PIGA: variants seen among roughly 807,000 people sequenced by gnomAD.
PIGA encodes phosphatidylinositol N-acetylglucosaminyltransferase subunit A.
In PIGA, 3 loss-of-function variants were observed where a neutral mutation model predicts 17.1. The observed-to-expected ratio is 0.18, with a 90% CI of 0.08 to 0.45. The LOEUF (loss-of-function observed/expected upper bound fraction) is 0.45. Among genes scored for constraint, PIGA ranks in the 20% least tolerant of loss-of-function variants. The pLI is 0.99. For synonymous variants in PIGA, 126 were observed against 135.1 expected (o/e 0.93, Z 0.47); for missense variants, 231 against 374.1 (o/e 0.62, Z 3.16).
At chrX:15,330,062 G>A (rs1243113576) in intron 2 of PIGA, among the ~76,000 whole-genome samples, 1 of 105,814 alleles carries the variant, frequency 9.5e-6, no homozygotes. Flanking sequence ...TCCAGCCCGG[G>A]GGGTGACAGT....
At chrX:15,330,593 T>A (rs965449979) in intron 2 of PIGA, among the ~76,000 whole-genome samples, 4 of 111,614 alleles carry the variant, frequency 3.6e-5, no homozygotes, top group African/African-American at 1.3e-4. Flanking sequence ...CTGTGAGCTC[T>A]GCCCTTTACT....
Position 15,324,767 on chromosome X carries a change from A to C in PIGA, c.1086T>G (p.Ala362=). 1 of 1,203,469 alleles carries C rather than the reference A, an allele frequency of 8.3e-7. No homozygotes were observed. Among genetic ancestry groups the C allele is most frequent in the Non-Finnish European group, 1.1e-6 (1 of 888,008 alleles). The part of the protein sequence containing the change: ...VKSLCEGLEK[A]IFQLKSGTLP... ...ATGTCCCTGACTTCAGTTGGAAAATAGCCTTTTCCAATCCTTCACACAAAG... is the reference window on the plus strand; with the variant it reads ...ATGTCCCTGACTTCAGTTGGAAAATCGCCTTTTCCAATCCTTCACACAAAG... The change falls in exon 5 of 6, where the codon GCT becomes GCG. Residue 362 remains alanine, a synonymous_variant. Transcript: ENST00000333590.
At chrX:15,327,735 G>A (rs1236442140) in intron 2 of PIGA, 1 of 110,774 alleles carries the variant, frequency 9.0e-6, no homozygotes, top group Non-Finnish European at 1.9e-5. Flanking sequence ...ACAAGGTTAA[G>A]AGCCCATTCT....
intron 1 of PIGA, among the ~76,000 whole-genome samples, chrX:15,332,459 G>A (rs1602212680): frequency 8.9e-6 from 1 of 112,463 alleles, no homozygotes; most frequent in East Asian, 2.8e-4. Context: ...AACTCCATGA[G>A]TTATCAACTC....
intron 2 of PIGA, chrX:15,329,029 G>C (rs779973968): frequency 1.1e-4 from 12 of 112,041 alleles, no homozygotes; most frequent in Admixed American, 9.5e-4. Flanking sequence ...TGAAGTTCAG[G>C]CCAAGTTTCC....
rs1478510157 is a variant in PIGA at position 15,319,694 on chromosome X, A to C, written c.*1812T>G. The stretch of plus-strand genomic sequence containing the variant: ...AGGTATCCAGAAAGGTTGAAAATTA[A>C]GATTTACGTGAAACAAATTTACTTC... On this transcript the variant is annotated 3_prime_UTR_variant, in exon 6 of 6. Coordinates refer to ENST00000333590, the MANE Select transcript of PIGA (RefSeq NM_002641.4). 9.3e-6 allele frequency: 1 copy of C among 107,729 alleles called. No homozygotes were observed. The highest frequency in any genetic ancestry group is 4.2e-4 in the South Asian group (1 of 2,408). 8.9% of individuals were successfully genotyped at this position (107,729 alleles called of 1,213,427 possible). A position where few individuals can be genotyped will look rare whatever the true frequency, so the allele number is the denominator to read the frequency against.
chrX:15,326,265 C>T (rs1569178665), intron 2 of PIGA: 1 of 257,857 alleles, frequency 3.9e-6, no homozygotes. Flanking sequence ...ACATGCATTA[C>T]CTTCCACACA....
chrX:15,323,403 G>A (rs1921873650), intron 5 of PIGA, among the ~76,000 whole-genome samples: 1 of 111,086 alleles, frequency 9.0e-6, no homozygotes, highest in African/African-American at 3.3e-5. Flanking sequence ...GATAACACTG[G>A]AATCTAGGGA....
At position 15,326,040 on chromosome X, in the gene PIGA, T is replaced by C; in HGVS notation, c.722A>G (p.Asp241Gly). The change falls in exon 3 of 6, where the codon GAT becomes GGT. Residue 241 changes from aspartate to glycine, a missense_variant. Coordinates refer to ENST00000333590, the MANE Select transcript of PIGA (RefSeq NM_002641.4). ...VSRLVYRKGIDLLSGIIPELC... is the reference protein window; with the variant it reads ...VSRLVYRKGIGLLSGIIPELC... ...TTCAGGTATTATACCACTAAGCAAA[T>C]CGATCCCTGAAAATATAAAGTTGAA... 1 of 1,130,464 alleles carries C rather than the reference T, an allele frequency of 8.8e-7. No homozygotes were observed. Among genetic ancestry groups the C allele is most frequent in the Non-Finnish European group, 1.2e-6 (1 of 835,258 alleles). The allele number at this position is 1,130,464 out of a possible 1,213,427, so 93.2% of individuals were successfully genotyped here.
At chrX:15,334,283 C>A (rs141093019) in intron 1 of PIGA, among the ~76,000 whole-genome samples, 1 of 106,576 alleles carries the variant, frequency 9.4e-6, no homozygotes, top group Admixed American at 1.0e-4. Flanking sequence ...CTCTGCCTCC[C>A]GAGTTCAAGC....
chrX:15,332,428 A>G (rs1332311996), intron 1 of PIGA, among the ~76,000 whole-genome samples: 1 of 112,432 alleles, frequency 8.9e-6, no homozygotes, highest in Non-Finnish European at 1.9e-5. Context: ...ACTCTTCTAT[A>G]TCTTATTGCA....
intron 5 of PIGA, among the ~76,000 whole-genome samples, chrX:15,323,430 G>A (rs1448566133): frequency 9.0e-6 from 1 of 111,064 alleles, no homozygotes; most frequent in Non-Finnish European, 1.9e-5. Context: ...GGGGAGGCAG[G>A]GGGACATCAA....
At chrX:15,333,921 C>T (rs1299632701) in intron 1 of PIGA, among the ~76,000 whole-genome samples, 3 of 111,419 alleles carry the variant, frequency 2.7e-5, no homozygotes, top group Non-Finnish European at 5.6e-5. Context: ...TCCCCTAAAG[C>T]TTTATTAATG....
Position 15,329,815 on chromosome X carries a change from T to G in PIGA, c.715+1401A>C, listed in dbSNP as rs760953001. ...AAACAGCCTCCTTGGCCAGGTGCAG[T>G]GGCTCACGCCTGTTAATCCCAGCAT... is the stretch of plus-strand genomic sequence containing the variant. On this transcript the variant is annotated intron_variant, in intron 2 of 5. Transcript: ENST00000333590. Among the ~76,000 whole-genome samples the G allele has an allele frequency of 5.4e-5, 6 of 111,857 alleles. No individual in the cohort carries two copies. In the South Asian group the frequency reaches 2.2e-3, roughly 42 times the overall value.
intron 1 of PIGA, among the ~76,000 whole-genome samples, chrX:15,334,312 T>A (rs191310937): frequency 1.2e-4 from 13 of 105,664 alleles, no homozygotes; most frequent in African/African-American, 4.5e-4. Context: ...CACTTCAGCC[T>A]CCTGAATAGC....
At chrX:15,331,034 C>A in intron 2 of PIGA, 182 bp downstream of exon 2, 1 of 395,590 alleles carries the variant, frequency 2.5e-6, no homozygotes, top group Non-Finnish European at 4.4e-6. Context: ...CATTCACCAC[C>A]ATCCTGAAAA....
In PIGA at chrX:15,331,598, T is replaced by C; in HGVS notation, c.333A>G (p.Pro111=). Residue 111 remains proline, a synonymous_variant, in exon 2 of 6, where the codon CCA becomes CCG. Transcript: ENST00000333590. The part of the protein sequence containing the change: ...STATTLFHSL[P]LLRYIFVRER... ...CCCGAACAAATATGTACCTGAGCAA[T>C]GGCAGACTGTGAAAGAGGGTCGTGG... The C allele has an allele frequency of 8.3e-7, 1 of 1,211,983 alleles. No homozygotes were observed. Among genetic ancestry groups the C allele is most frequent in the Non-Finnish European group, 1.1e-6 (1 of 895,472 alleles).
chrX:15,333,393 T>C (rs770084627), intron 1 of PIGA, among the ~76,000 whole-genome samples: 1 of 112,321 alleles, frequency 8.9e-6, no homozygotes, highest in South Asian at 3.7e-4. Flanking sequence ...AGAGGGTGAT[T>C]ATTTAGGCCG....
rs190230543 is a variant in PIGA at position 15,326,312 on chromosome X, C to G, written c.716-266G>C. 222 of 168,411 alleles carry G rather than the reference C, an allele frequency of 1.3e-3. 1 individual carries two copies. The highest frequency in any genetic ancestry group is 0.012 in the South Asian group (44 of 3,771). The allele number at this position is 168,411 out of a possible 1,213,427, so 13.9% of individuals were successfully genotyped here. On this transcript the variant is annotated intron_variant, in intron 2 of 5. Transcript: ENST00000333590. The stretch of plus-strand genomic sequence containing the variant: ...GACTATTCTGTTTCATCTCAACAGA[C>G]TATTCTTTAAGTTATTCACTTGTGT...
Sources: allele counts gnomAD v4.1 joint callset (sites outside exome capture counted in the v4.1 genomes callset), GRCh38; gene constraint gnomAD v4.1.1; transcripts MANE v1.5; gene names NCBI Gene and HGNC (gene_info 2026-07-23, HGNC 2026-07-21).